Variants in CLINT1 observed in about 807,000 individuals in gnomAD.
CLINT1 encodes clathrin interactor 1.
A neutral mutation model predicts 70.4 loss-of-function variants in CLINT1; 15 were observed. That is an observed-to-expected ratio of 0.21 (90% CI 0.14 to 0.33). The LOEUF is 0.33. Among genes scored for constraint, CLINT1 ranks in the 10% least tolerant of loss-of-function variants. The pLI is 1.00. For missense variants in CLINT1, 615 were observed against 778.1 expected (o/e 0.79, Z 2.49); for synonymous variants, 227 against 254.7 (o/e 0.89, Z 1.04).
rs529881746 is a variant in CLINT1, at chr5:157,820,544, G to T, written c.42-2997C>A. Among the ~76,000 whole-genome samples the T allele has an allele frequency of 8.1e-4, 123 of 152,248 alleles. 2 individuals are homozygous for T. Among genetic ancestry groups the T allele is most frequent in the Non-Finnish European group, 1.2e-3 (82 of 68,014 alleles). On this transcript the variant is annotated intron_variant, in intron 1 of 11. Transcript: ENST00000411809. The stretch of plus-strand genomic sequence containing the variant: ...AGTATTTTAAGCTTCAACTAATTCA[G>T]AAACAAATGTAAACTAAAAACAACA...
At chr5:157,788,671 G>A (rs1561633222) in intron 11 of CLINT1, among the ~76,000 whole-genome samples, 1 of 152,118 alleles carries the variant, frequency 6.6e-6, no homozygotes, top group African/African-American at 2.4e-5. Flanking sequence ...AATATGCTTA[G>A]AAAAGATGGA....
At chr5:157,825,185 A>G (rs1054191791) in intron 1 of CLINT1, among the ~76,000 whole-genome samples, 4 of 152,164 alleles carry the variant, frequency 2.6e-5, no homozygotes, top group African/African-American at 9.6e-5. Flanking sequence ...TAAAACATAT[A>G]ACCTATTCAA....
chr5:157,846,849 GAAC>G (rs909216358), intron 1 of CLINT1, among the ~76,000 whole-genome samples: 9 of 152,156 alleles, frequency 5.9e-5, no homozygotes, highest in African/African-American at 1.9e-4. Context: ...TATAGAAATA[GAAC>G]AACAAAGCCT....
At chr5:157,839,951 A>G (rs1364904523) in intron 1 of CLINT1, among the ~76,000 whole-genome samples, 3 of 151,836 alleles carry the variant, frequency 2.0e-5, no homozygotes, top group Non-Finnish European at 4.4e-5. Context: ...GAGGTCGGGC[A>G]CCATGGCTCA....
At chr5:157,830,799 T>TAC (rs1763215398) in intron 1 of CLINT1, among the ~76,000 whole-genome samples, 1 of 104,858 alleles carries the variant, frequency 9.5e-6, no homozygotes, top group South Asian at 3.3e-4. Context: ...TCTCTCTCTA[T>TAC]ATATATATAT....
chr5:157,840,192 C>CAAAAAAAAAAAAA (rs57245921), intron 1 of CLINT1, among the ~76,000 whole-genome samples: 9 of 55,326 alleles, frequency 1.6e-4, no homozygotes, highest in East Asian at 5.9e-4. Flanking sequence ...GAGACTGCCT[C>CAAAAAAAAAAAAA]AAAAAAAAAA....
chr5:157,853,471 A>T lies in CLINT1; in HGVS notation c.41+5459T>A, dbSNP rs573883664. Among the ~76,000 whole-genome samples, 7 of 151,992 alleles carry T rather than the reference A, an allele frequency of 4.6e-5. No homozygotes were observed. The South Asian group carries it at 1.5e-3, about 32-fold the overall frequency. ...AAGTACTTTCAATGGACATATCAGT[A>T]AACAGATGAAAAACTGCTTTGTAGG... is the stretch of plus-strand genomic sequence containing the variant. On this transcript the variant is annotated intron_variant, in intron 1 of 11. Transcript: ENST00000411809.
chr5:157,820,691 A>C (rs947396158), intron 1 of CLINT1, among the ~76,000 whole-genome samples: 2 of 152,174 alleles, frequency 1.3e-5, no homozygotes, highest in Non-Finnish European at 2.9e-5. Flanking sequence ...CCTACCCATA[A>C]TTCCAGTGAC....
At chr5:157,837,648 A>ATTTTTTTTTT (rs1281046781) in intron 1 of CLINT1, among the ~76,000 whole-genome samples, 2 of 70,190 alleles carry the variant, frequency 2.8e-5, no homozygotes, top group African/African-American at 5.5e-5. Flanking sequence ...AAGCTCTTTT[A>ATTTTTTTTTT]CTTTTTTTTT....
intron 10 of CLINT1, 169 bp from the exon 11 acceptor site, chr5:157,789,682 G>A: frequency 1.2e-6 from 1 of 823,346 alleles, no homozygotes; most frequent in Non-Finnish European, 1.9e-6. Context: ...AATGTTCTAT[G>A]CTAATGTCTT....
At chr5:157,838,402 C>T (rs1266119153) in intron 1 of CLINT1, among the ~76,000 whole-genome samples, 1 of 152,152 alleles carries the variant, frequency 6.6e-6, no homozygotes, top group Non-Finnish European at 1.5e-5. Flanking sequence ...GGATTACAGG[C>T]GTGAGCCACA....
chr5:157,812,710 T>C (rs781384099), intron 5 of CLINT1, among the ~76,000 whole-genome samples: 2 of 152,204 alleles, frequency 1.3e-5, no homozygotes, highest in African/African-American at 4.8e-5. Flanking sequence ...ATCAAACTTT[T>C]TATTTTTATA....
chr5:157,806,247 C>A (rs1486158909), intron 6 of CLINT1, 135 bp from the exon 7 acceptor site: 2 of 832,830 alleles, frequency 2.4e-6, no homozygotes, highest in African/African-American at 1.7e-5. Context: ...CAGGGATCAA[C>A]AGAATGTTAT....
chr5:157,845,570 G>C (rs933593433), intron 1 of CLINT1, among the ~76,000 whole-genome samples: 2 of 90,012 alleles, frequency 2.2e-5, no homozygotes, highest in South Asian at 6.8e-4. Flanking sequence ...TTTTTTTTTT[G>C]AGACGGAGTC....
In CLINT1 at chr5:157,829,527, T is replaced by C. The variant is rs184945591; in HGVS notation, c.42-11980A>G. Among the ~76,000 whole-genome samples the C allele has an allele frequency of 3.3e-5, 5 of 151,720 alleles. No individual in the cohort carries two copies. In the East Asian group the frequency reaches 5.8e-4, roughly 18 times the overall value. ...CATTGTGAGTCTCCAAGAGAGATAA[T>C]GCACTTTTTTTTGAGACAGTCTCGT... On this transcript the variant is annotated intron_variant, in intron 1 of 11. Transcript: ENST00000411809.
chr5:157,812,540 GA>G, intron 5 of CLINT1, among the ~76,000 whole-genome samples: 1 of 152,178 alleles, frequency 6.6e-6, no homozygotes, highest in Non-Finnish European at 1.5e-5. Context: ...AGGCCTAGAT[GA>G]AAAACTGCGA....
In CLINT1 at chr5:157,801,048, T is replaced by G. The variant is rs562533792; in HGVS notation, c.1012+2602A>C. Among the ~76,000 whole-genome samples, 6 of 152,370 alleles carry G rather than the reference T, an allele frequency of 3.9e-5. No individual in the cohort carries two copies. The South Asian group carries it at 1.0e-3, about 26-fold the overall frequency. ...TGACTACATGCTAACTACCAGTTAA[T>G]TCTACAGTTCAAATCTTAAACATAT... On this transcript the variant is annotated intron_variant, in intron 8 of 11. Coordinates refer to ENST00000411809, the MANE Select transcript of CLINT1 (RefSeq NM_014666.4).
At chr5:157,804,665 C>T (rs917671833) in intron 7 of CLINT1, among the ~76,000 whole-genome samples, 2 of 152,088 alleles carry the variant, frequency 1.3e-5, no homozygotes, top group Admixed American at 6.6e-5. Flanking sequence ...TGGCTCAAGC[C>T]TGTAATCCCA....
intron 1 of CLINT1, among the ~76,000 whole-genome samples, chr5:157,847,059 T>C (rs748143893): frequency 2.0e-5 from 3 of 152,206 alleles, no homozygotes; most frequent in Non-Finnish European, 4.4e-5. Context: ...TTGTAGCCCA[T>C]GGATCAAGAA....
Sources: gnomAD v4.1 joint callset for allele counts (sites outside exome capture counted in the v4.1 genomes callset) on GRCh38, gnomAD v4.1.1 for gene constraint, MANE v1.5 for transcripts, NCBI Gene and HGNC (gene_info 2026-07-23, HGNC 2026-07-21) for gene names.